The following RNGTT variants were observed in gnomAD, a reference collection of about 807,000 sequenced individuals.
RNGTT encodes mRNA-capping enzyme.
In RNGTT, 33 loss-of-function variants were observed where a neutral mutation model predicts 79.3. The observed-to-expected ratio is 0.42, with a 90% CI of 0.32 to 0.56. The LOEUF (loss-of-function observed/expected upper bound fraction) is 0.56, where lower values mean the gene tolerates loss of function less well. Ranked by LOEUF, RNGTT falls within the 20% of genes least tolerant of loss-of-function variation. The pLI is 0.17. For synonymous variants in RNGTT, 222 were observed against 235.9 expected (o/e 0.94, Z 0.54); for missense variants, 497 against 739.1 (o/e 0.67, Z 3.80).
chr6:88,662,701 G>C (rs967009135), intron 14 of RNGTT, among the ~76,000 whole-genome samples: 1 of 152,240 alleles, frequency 6.6e-6, no homozygotes, highest in Non-Finnish European at 1.5e-5. Flanking sequence ...ACTCCGGCGA[G>C]CTTAAGCAAA....
intron 8 of RNGTT, among the ~76,000 whole-genome samples, chr6:88,876,489 T>C (rs182348366): frequency 7.1e-4 from 108 of 152,354 alleles, no homozygotes; most frequent in African/African-American, 2.1e-3. Context: ...CACTCCAGCC[T>C]AGGCAAAACA....
chr6:88,681,300 A>C (rs1469836858), intron 13 of RNGTT, among the ~76,000 whole-genome samples: 1 of 152,196 alleles, frequency 6.6e-6, no homozygotes, highest in Non-Finnish European at 1.5e-5. Context: ...CAACTTGCCT[A>C]ATAACTACCT....
At position 88,822,000 on chromosome 6, in the gene RNGTT, G is replaced by A. The variant is rs1257465775; in HGVS notation, c.1270-20368C>T. Among the ~76,000 whole-genome samples, 9 of 152,140 alleles carry A rather than the reference G, an allele frequency of 5.9e-5. No homozygotes were observed. In the East Asian group the frequency reaches 1.5e-3, roughly 26 times the overall value. On this transcript the variant is annotated intron_variant, in intron 11 of 15. Coordinates refer to ENST00000369485, the MANE Select transcript of RNGTT (RefSeq NM_003800.5). The stretch of plus-strand genomic sequence containing the variant: ...AATAAGTTGAAAACAAATGGGAAAA[G>A]CTGATAAACTTCAAATTTTAAAACA...
At chr6:88,738,882 A>G (rs1467324928) in intron 13 of RNGTT, among the ~76,000 whole-genome samples, 1 of 151,382 alleles carries the variant, frequency 6.6e-6, no homozygotes, top group East Asian at 1.9e-4. Context: ...CTTCCAAAAC[A>G]GGAAGAAATA....
chr6:88,845,359 T>C (rs759032190), intron 10 of RNGTT, among the ~76,000 whole-genome samples: 39 of 152,226 alleles, frequency 2.6e-4, no homozygotes, highest in Non-Finnish European at 3.1e-4. Flanking sequence ...AAAGCATATA[T>C]GGTTTGAACT....
chr6:88,890,054 G>A (rs1293364668), intron 8 of RNGTT, among the ~76,000 whole-genome samples: 2 of 152,234 alleles, frequency 1.3e-5, no homozygotes, highest in African/African-American at 2.4e-5. Flanking sequence ...ACAACCTTGC[G>A]AGTATATAAA....
At chr6:88,943,835 C>T (rs925612385) in intron 1 of RNGTT, among the ~76,000 whole-genome samples, 35 of 152,270 alleles carry the variant, frequency 2.3e-4, no homozygotes, top group Middle Eastern at 6.8e-3. Flanking sequence ...CCCTTAACCT[C>T]CTTGCTCTGC....
At chr6:88,914,984 A>G (rs1462684957) in intron 4 of RNGTT, among the ~76,000 whole-genome samples, 1 of 152,236 alleles carries the variant, frequency 6.6e-6, no homozygotes. Flanking sequence ...AGTTATCAAA[A>G]GAGGACATAC....
At chr6:88,825,708 T>C (rs1229317948) in intron 11 of RNGTT, among the ~76,000 whole-genome samples, 5 of 152,240 alleles carry the variant, frequency 3.3e-5, no homozygotes, top group Admixed American at 6.5e-5. Flanking sequence ...GTGTGTTCTA[T>C]TGGTCTTCTA....
At chr6:88,832,827 C>T (rs1780921201) in intron 11 of RNGTT, among the ~76,000 whole-genome samples, 1 of 152,164 alleles carries the variant, frequency 6.6e-6, no homozygotes, top group African/African-American at 2.4e-5. Flanking sequence ...TGAAAAAATG[C>T]TCATCATCAC....
At chr6:88,693,831 A>G (rs1373149064) in intron 13 of RNGTT, among the ~76,000 whole-genome samples, 1 of 152,208 alleles carries the variant, frequency 6.6e-6, no homozygotes, top group African/African-American at 2.4e-5. Context: ...AGCCACATTA[A>G]CAAAATGAAG....
At chr6:88,808,710 G>A (rs571465069) in intron 11 of RNGTT, among the ~76,000 whole-genome samples, 1 of 152,204 alleles carries the variant, frequency 6.6e-6, no homozygotes, top group African/African-American at 2.4e-5. Flanking sequence ...AGGAGTTCAA[G>A]ACCAGCCTGG....
intron 14 of RNGTT, among the ~76,000 whole-genome samples, chr6:88,672,484 C>T (rs1179842015): frequency 6.6e-6 from 1 of 152,006 alleles, no homozygotes; most frequent in Non-Finnish European, 1.5e-5. Flanking sequence ...TGTTCTCACT[C>T]ATAAGTAGGA....
chr6:88,797,512 A>C (rs1025702347), intron 12 of RNGTT, among the ~76,000 whole-genome samples: 3 of 152,128 alleles, frequency 2.0e-5, no homozygotes, highest in Non-Finnish European at 4.4e-5. Context: ...AGGACTAAAG[A>C]ATGGAAGGCT....
chr6:88,935,972 T>A (rs1263433343), intron 2 of RNGTT, among the ~76,000 whole-genome samples: 1 of 152,208 alleles, frequency 6.6e-6, no homozygotes, highest in East Asian at 1.9e-4. Context: ...CAGGTTGAAG[T>A]GCAGTGGCTC....
chr6:88,948,379 C>G (rs1785102548), intron 1 of RNGTT, among the ~76,000 whole-genome samples: 1 of 126,904 alleles, frequency 7.9e-6, no homozygotes, highest in Non-Finnish European at 1.7e-5. Context: ...AGCCCCCCCG[C>G]CCGGCCAGCC....
chr6:88,931,169 T>G (rs1366057526), intron 2 of RNGTT, among the ~76,000 whole-genome samples: 1 of 119,542 alleles, frequency 8.4e-6, no homozygotes, highest in Non-Finnish European at 1.6e-5. Flanking sequence ...CATACTTTAA[T>G]GGAATACTAT....
intron 11 of RNGTT, among the ~76,000 whole-genome samples, chr6:88,818,190 T>C (rs192065280): frequency 4.6e-5 from 7 of 152,324 alleles, no homozygotes; most frequent in Admixed American, 3.9e-4. Context: ...TAAGTATTCT[T>C]AAACACCTAA....
At chr6:88,750,953 T>C (rs762363990) in intron 13 of RNGTT, among the ~76,000 whole-genome samples, 17 of 152,104 alleles carry the variant, frequency 1.1e-4, no homozygotes, top group Non-Finnish European at 2.1e-4. Context: ...TATTTATATC[T>C]GCCATCCTAG....
Sources: allele counts gnomAD v4.1 joint callset (sites outside exome capture counted in the v4.1 genomes callset), GRCh38; gene constraint gnomAD v4.1.1; transcripts MANE v1.5; gene names NCBI Gene and HGNC (gene_info 2026-07-23, HGNC 2026-07-21).